PAQR5: variants seen among roughly 807,000 people sequenced by gnomAD.
The protein encoded by PAQR5 is membrane progestin receptor gamma.
In PAQR5, 20 loss-of-function variants were observed where a neutral mutation model predicts 34.5. The observed-to-expected ratio is 0.58, with a 90% CI of 0.41 to 0.84. The LOEUF is 0.84. Ranked by LOEUF, PAQR5 falls within the 40% of genes least tolerant of loss-of-function variation. PAQR5 has a pLI of 0.00. For missense variants in PAQR5, 378 were observed against 412.7 expected (o/e 0.92, Z 0.73); for synonymous variants, 131 against 155.6 (o/e 0.84, Z 1.18).
intron 2 of PAQR5, among the ~76,000 whole-genome samples, chr15:69,357,047 C>T (rs928310211): frequency 1.3e-5 from 2 of 151,908 alleles, no homozygotes; most frequent in Non-Finnish European, 2.9e-5. Context: ...TGGCATCTCC[C>T]CACCCACTGT....
intron 1 of PAQR5, among the ~76,000 whole-genome samples, chr15:69,329,463 CTTT>C (rs1038357937): frequency 9.8e-4 from 72 of 73,748 alleles, no homozygotes; most frequent in African/African-American, 3.9e-3. Context: ...TTTTTTCTTT[CTTT>C]TTTTTTTTTT....
In PAQR5 at chr15:69,384,825, A is replaced by G. The variant is rs765557718; in HGVS notation, c.328A>G (p.Asn110Asp). Residue 110 changes from asparagine to aspartate, a missense_variant, in exon 5 of 9, where the codon AAT (asparagine) becomes GAT (aspartate). By Grantham distance (23) the Asn-to-Asp change is conservative. Coordinates refer to ENST00000395407, the MANE Select transcript of PAQR5 (RefSeq NM_017705.4). Reference sequence around the variant, plus strand: ...GCACACCTTCAGCTCTATGTCCAAGAATGCCCGGCACATTTGCTACTTCCT... The same window carrying G: ...GCACACCTTCAGCTCTATGTCCAAGGATGCCCGGCACATTTGCTACTTCCT... Reference protein sequence around the residue: ...CAHTFSSMSKNARHICYFLDY... With the variant: ...CAHTFSSMSKDARHICYFLDY... 22 of 1,614,030 alleles carry G rather than the reference A, an allele frequency of 1.4e-5. No homozygotes were observed. Among genetic ancestry groups the G allele is most frequent in the South Asian group, 3.3e-5 (3 of 91,080 alleles).
chr15:69,333,228 G>A (rs988311682), intron 1 of PAQR5, among the ~76,000 whole-genome samples: 2 of 151,982 alleles, frequency 1.3e-5, no homozygotes, highest in Non-Finnish European at 2.9e-5. Context: ...GAGGCACCAC[G>A]AACCCCGTTT....
chr15:69,348,765 C>G (rs192471188), intron 2 of PAQR5, among the ~76,000 whole-genome samples: 1 of 149,492 alleles, frequency 6.7e-6, no homozygotes, highest in Non-Finnish European at 1.5e-5. Flanking sequence ...ATCTGATACC[C>G]AAGATGGCTA....
chr15:69,366,184 C>T (rs1481353546), intron 3 of PAQR5, among the ~76,000 whole-genome samples: 2 of 152,192 alleles, frequency 1.3e-5, no homozygotes, highest in Non-Finnish European at 2.9e-5. Flanking sequence ...TTGTGGATAT[C>T]TCCCACAAAT....
chr15:69,351,211 A>C (rs2054909418), intron 2 of PAQR5, among the ~76,000 whole-genome samples: 1 of 152,232 alleles, frequency 6.6e-6, no homozygotes, highest in Non-Finnish European at 1.5e-5. Context: ...ACAATATCCC[A>C]TCCCTGAAGG....
intron 1 of PAQR5, among the ~76,000 whole-genome samples, chr15:69,303,842 G>A (rs1340448286): frequency 6.6e-6 from 1 of 152,208 alleles, no homozygotes; most frequent in Non-Finnish European, 1.5e-5. Context: ...AGCAGATCTT[G>A]TGCAGGCCTC....
chr15:69,300,841 TTTTC>T (rs541929828), intron 1 of PAQR5, among the ~76,000 whole-genome samples: 1,370 of 19,544 alleles, frequency 0.07, 332 homozygotes, highest in East Asian at 0.098. Context: ...CTTTAGTTCG[TTTTC>T]TTTCTTTCTT....
intron 1 of PAQR5, among the ~76,000 whole-genome samples, chr15:69,321,985 C>A (rs2054107116): frequency 6.6e-6 from 1 of 152,072 alleles, no homozygotes; most frequent in African/African-American, 2.4e-5. Context: ...TGAGTGGAAG[C>A]TAATTTTACC....
At chr15:69,371,130 G>T (rs1049737853) in intron 3 of PAQR5, among the ~76,000 whole-genome samples, 5 of 152,230 alleles carry the variant, frequency 3.3e-5, no homozygotes, top group African/African-American at 1.2e-4. Context: ...CACTATTCCT[G>T]AGTCATTGTA....
At chr15:69,395,478 G>A (rs1031926280) in intron 6 of PAQR5, among the ~76,000 whole-genome samples, 3 of 152,232 alleles carry the variant, frequency 2.0e-5, no homozygotes, top group Non-Finnish European at 2.9e-5. Context: ...AGAGAATGGA[G>A]CTCCACGATG....
intron 1 of PAQR5, among the ~76,000 whole-genome samples, chr15:69,299,965 C>A (rs535128578): frequency 6.6e-6 from 1 of 152,182 alleles, no homozygotes; most frequent in African/African-American, 2.4e-5. Context: ...GATATTAACA[C>A]ATGGGCAGAT....
At chr15:69,398,600 CACCCAGCAG>C (rs568353525) in intron 7 of PAQR5, among the ~76,000 whole-genome samples, 75 of 152,282 alleles carry the variant, frequency 4.9e-4, no homozygotes, top group Non-Finnish European at 9.6e-4. Context: ...GGCTGAGCTC[CACCCAGCAG>C]CTGGGGCATT....
intron 4 of PAQR5, among the ~76,000 whole-genome samples, chr15:69,383,357 G>GC (rs1567033357): frequency 7.0e-6 from 1 of 143,218 alleles, no homozygotes; most frequent in East Asian, 2.1e-4. Flanking sequence ...TGGAGGGTGA[G>GC]TGGGCCTTTG....
At chr15:69,335,542 G>GTTC (rs2054493591) in intron 1 of PAQR5, among the ~76,000 whole-genome samples, 1 of 61,104 alleles carries the variant, frequency 1.6e-5, no homozygotes, top group Non-Finnish European at 2.9e-5. Flanking sequence ...ACCGCATCCA[G>GTTC]TTTTTTTTTT....
chr15:69,330,642 T>G lies in PAQR5; in HGVS notation c.-276-6699T>G, dbSNP rs557384539. ...ACAACTTCGACTCCCTATGATTTCA[T>G]CCCTGACCAGCACTCCTGGCTCATT... On this transcript the variant is annotated intron_variant, in intron 1 of 8. Coordinates refer to ENST00000395407, the MANE Select transcript of PAQR5 (RefSeq NM_017705.4). Among the ~76,000 whole-genome samples, 351 of 152,212 alleles carry G rather than the reference T, an allele frequency of 2.3e-3. 1 individual carries two copies. The highest frequency in any genetic ancestry group is 8.1e-3 in the African/African-American group (335 of 41,510).
At chr15:69,403,522 T>C (rs970233018) in intron 8 of PAQR5, 59 bp from the exon 9 acceptor site, 1 of 1,536,210 alleles carries the variant, frequency 6.5e-7, no homozygotes, top group African/African-American at 1.4e-5. Flanking sequence ...TGCCATAGCA[T>C]GTATCAGTAC....
intron 2 of PAQR5, among the ~76,000 whole-genome samples, chr15:69,353,933 G>A (rs966483401): frequency 6.6e-6 from 1 of 152,196 alleles, no homozygotes; most frequent in Non-Finnish European, 1.5e-5. Context: ...TAAGAAGGGA[G>A]TGATGGTTTG....
At position 69,300,784 on chromosome 15, in the gene PAQR5, CTCTT is replaced by C. The variant is rs1178323795; in HGVS notation, c.-277+1743_-277+1746del. Among the ~76,000 whole-genome samples, 27 of 50,102 alleles carry C rather than the reference CTCTT, an allele frequency of 5.4e-4. 7 individuals are homozygous for C. Among genetic ancestry groups the C allele is most frequent in the African/African-American group, 6.4e-5 (1 of 15,614 alleles). 32.9% of individuals were successfully genotyped at this position (50,102 alleles called of 152,430 possible). On this transcript the variant is annotated intron_variant, in intron 1 of 8. Coordinates refer to ENST00000395407, the MANE Select transcript of PAQR5 (RefSeq NM_017705.4). ...TTCCTTCCTCCCTCCCTCTCTCTCT[CTCTT>C]TCTTTCTTTCTTTCCTTCTTTCCTT...
Sources: allele counts gnomAD v4.1 joint callset (sites outside exome capture counted in the v4.1 genomes callset), GRCh38; gene constraint gnomAD v4.1.1; transcripts MANE v1.5; gene names NCBI Gene and HGNC (gene_info 2026-07-23, HGNC 2026-07-21).